The following PTGER3 variants were observed in gnomAD, a reference collection of about 807,000 sequenced individuals.
PTGER3 encodes the protein prostaglandin E receptor 3.
Under a neutral mutation model 34.7 loss-of-function variants are expected in PTGER3, and 22 were observed. That is an observed-to-expected ratio of 0.63 (90% CI 0.45 to 0.91). The LOEUF (loss-of-function observed/expected upper bound fraction) is 0.91, where lower values mean the gene tolerates loss of function less well. Among genes scored for constraint, PTGER3 ranks in the 40% least tolerant of loss-of-function variants. The pLI is 0.00. For synonymous variants in PTGER3, 241 were observed against 230.1 expected (o/e 1.05, Z -0.43); for missense variants, 468 against 519.4 (o/e 0.90, Z 0.96).
intron 4 of PTGER3, chr1:70,886,268 G>A: frequency 2.2e-6 from 1 of 448,334 alleles, no homozygotes; most frequent in Non-Finnish European, 4.5e-6. Flanking sequence ...ACCAAAAAGA[G>A]GGCACTCACC....
rs755181995 is a variant in PTGER3 at position 70,953,038 on chromosome 1, A to G, written c.1126T>C (p.Ser376Pro). 6.9e-6 allele frequency: 11 copies of G among 1,603,126 alleles called. No homozygotes were observed. The South Asian group carries it at 1.2e-4, about 18-fold the overall frequency. Residue 376 changes from serine to proline, a missense_variant, in exon 4 of 4, where the codon TCT becomes CCT. Ser to Pro is a moderately conservative substitution (Grantham distance 74, BLOSUM62 -1). Coordinates refer to the PTGER3 transcript ENST00000356595. ...TGTGCAGTTGCCCTCTGTATCTGAGAGTTCTGCAAACTGCAGATTAACTAA... is the reference window on the plus strand; with the variant it reads ...TGTGCAGTTGCCCTCTGTATCTGAGGGTTCTGCAAACTGCAGATTAACTAA...
intron 4 of PTGER3, among the ~76,000 whole-genome samples, chr1:70,864,063 C>A (rs775211089): frequency 1.3e-5 from 2 of 152,146 alleles, no homozygotes; most frequent in Admixed American, 6.6e-5. Flanking sequence ...ATAATCCAGA[C>A]ACAGGGAACT....
intron 4 of PTGER3, among the ~76,000 whole-genome samples, chr1:70,895,425 C>T (rs1372810159): frequency 6.6e-6 from 1 of 152,098 alleles, no homozygotes; most frequent in Non-Finnish European, 1.5e-5. Flanking sequence ...CCTATGATTA[C>T]TCATTGCCTT....
intron 1 of PTGER3, among the ~76,000 whole-genome samples, chr1:71,012,909 C>A (rs1474663): frequency 0.91 from 139,070 of 152,158 alleles, 63,641 homozygotes; most frequent in East Asian, 0.96. Flanking sequence ...AAAAAGTAGA[C>A]GCAAGAAAGG....
intron 4 of PTGER3, among the ~76,000 whole-genome samples, chr1:70,879,219 G>A (rs1646334831): frequency 6.6e-6 from 1 of 151,564 alleles, no homozygotes; most frequent in African/African-American, 2.4e-5. Context: ...TTGTAATTAT[G>A]TAATGCCCTT....
chr1:71,041,024 T>C (rs1433375114), intron 1 of PTGER3, among the ~76,000 whole-genome samples: 1 of 152,200 alleles, frequency 6.6e-6, no homozygotes, highest in Non-Finnish European at 1.5e-5. Flanking sequence ...AGTTCCCATG[T>C]TGTATGTATC....
At chr1:70,950,460 A>C (rs79019611), downstream of PTGER3, among the ~76,000 whole-genome samples, 700 of 152,314 alleles carry the variant, frequency 4.6e-3, 13 homozygotes, top group African/African-American at 0.016. Flanking sequence ...CAAGTTCCTC[A>C]TAAGTAAATG....
chr1:70,916,274 A>G (rs1018742136), intron 4 of PTGER3, among the ~76,000 whole-genome samples: 5 of 152,026 alleles, frequency 3.3e-5, no homozygotes, highest in Non-Finnish European at 5.9e-5. Context: ...ACAATTATAC[A>G]CTGTGAGTGG....
In PTGER3 at chr1:71,047,354, C is replaced by T. The variant is rs1484658630; in HGVS notation, c.224G>A (p.Arg75His). ...CTTGCTCTCCCGGCGCCGGTAGCTG[C>T]GCGACACGAGCAGCATGGCCAGTGC... ...GNALAMLLVSRSYRRRESKRK... is the reference protein window; with the variant it reads ...GNALAMLLVSHSYRRRESKRK... The change falls in exon 1 of 4, where the codon CGC becomes CAC. Residue 75 changes from arginine (R) to histidine (H), a missense_variant. This residue lies in a region of PTGER3 where 151 missense variants were observed against 133.5 expected (regional missense o/e 1.13). Transcript: ENST00000306666. 4 of 1,609,338 alleles carry T rather than the reference C, an allele frequency of 2.5e-6. No individual in the cohort carries two copies. In the South Asian group the frequency reaches 3.3e-5, roughly 13 times the overall value.
chr1:70,886,365 G>T, intron 4 of PTGER3: 1 of 438,640 alleles, frequency 2.3e-6, no homozygotes, highest in South Asian at 1.7e-5. Context: ...AAGCCACCTA[G>T]TCTGTGGTAT....
chr1:70,914,023 G>C (rs1298469710), intron 4 of PTGER3, among the ~76,000 whole-genome samples: 2 of 151,610 alleles, frequency 1.3e-5, no homozygotes, highest in African/African-American at 4.8e-5. Flanking sequence ...AGTATTCTAT[G>C]GTCTTCAATA....
chr1:70,968,517 A>C (rs1026052132), downstream of PTGER3, among the ~76,000 whole-genome samples: 1 of 152,132 alleles, frequency 6.6e-6, no homozygotes, highest in Non-Finnish European at 1.5e-5. Context: ...AATGAAGATG[A>C]AGCTACTTGT....
intron 4 of PTGER3, among the ~76,000 whole-genome samples, chr1:70,891,160 G>A (rs1436949890): frequency 6.6e-6 from 1 of 152,190 alleles, no homozygotes; most frequent in African/African-American, 2.4e-5. Flanking sequence ...ACCCCATTCT[G>A]TGTCAACCAG....
chr1:71,046,770 T>A lies in PTGER3; in HGVS notation c.808A>T (p.Ser270Cys). ...GTCGTGATGCGGCCCCACTGGGCACTGGACTGAGATGCCGTGGCCTTGGCC... is the reference window on the plus strand; with the variant it reads ...GTCGTGATGCGGCCCCACTGGGCACAGGACTGAGATGCCGTGGCCTTGGCC... The part of the protein sequence containing the change: ...CRAKATASQS[S>C]AQWGRITTET... Residue 270 changes from serine to cysteine, a missense_variant, in exon 1 of 4, where the codon AGT becomes TGT. By Grantham distance (112) the Ser-to-Cys change is moderately radical (BLOSUM62 -1). Coordinates refer to ENST00000306666, the MANE Select transcript of PTGER3 (RefSeq NM_198719.2). The A allele has an allele frequency of 6.2e-7, 1 of 1,613,936 alleles. No individual in the cohort carries two copies. The highest frequency in any genetic ancestry group is 8.5e-7 in the Non-Finnish European group (1 of 1,180,012).
chr1:70,983,716 C>T (rs1474858230), intron 2 of PTGER3, among the ~76,000 whole-genome samples: 1 of 151,988 alleles, frequency 6.6e-6, no homozygotes, highest in Non-Finnish European at 1.5e-5. Flanking sequence ...TATGTGCTCC[C>T]AGCTCTATAA....
chr1:70,888,676 G>T (rs1357419105), intron 4 of PTGER3, among the ~76,000 whole-genome samples: 1 of 151,878 alleles, frequency 6.6e-6, no homozygotes, highest in Admixed American at 6.5e-5. Flanking sequence ...CCCATCTCAG[G>T]CTTTTAAATT....
chr1:70,873,650 CTT>C (rs749236688), intron 4 of PTGER3, among the ~76,000 whole-genome samples: 16 of 135,524 alleles, frequency 1.2e-4, no homozygotes, highest in East Asian at 2.1e-4. Context: ...ATGTGAGGTG[CTT>C]TTTTTTTTTT....
At chr1:70,939,458 G>A (rs933706504) in intron 4 of PTGER3, among the ~76,000 whole-genome samples, 4 of 152,246 alleles carry the variant, frequency 2.6e-5, no homozygotes, top group African/African-American at 9.6e-5. Flanking sequence ...TAGGGCCCCT[G>A]TGTGGGGGCT....
chr1:70,863,945 T>C (rs535306926), intron 4 of PTGER3, among the ~76,000 whole-genome samples: 33 of 152,138 alleles, frequency 2.2e-4, no homozygotes, highest in Non-Finnish European at 4.3e-4. Flanking sequence ...CAGTAGGCAA[T>C]AGAGAATCAT....
Sources: gnomAD v4.1 joint callset for allele counts (sites outside exome capture counted in the v4.1 genomes callset) on GRCh38, gnomAD v4.1.1 for gene constraint, gnomAD v4.1.1 regional missense constraint, MANE v1.5 for transcripts, NCBI Gene and HGNC (gene_info 2026-07-23, HGNC 2026-07-21) for gene names.